Variants in SLC39A11 observed in about 807,000 individuals in gnomAD.
SLC39A11 encodes the protein solute carrier family 39 member 11.
SLC39A11 carries 33 observed loss-of-function variants against 36.1 expected under a neutral mutation model. The ratio of observed to expected loss-of-function variants is 0.91; its 90% confidence interval spans 0.69 to 1.22. The LOEUF is 1.22. SLC39A11 is among the 50% of genes most tolerant of loss of function. The pLI is 0.00. For synonymous variants in SLC39A11, 166 were observed against 170.3 expected (o/e 0.97, Z 0.20); for missense variants, 432 against 430.3 (o/e 1.00, Z -0.03).
chr17:73,041,684 C>T (rs1011327097), intron 3 of SLC39A11, among the ~76,000 whole-genome samples: 1 of 152,210 alleles, frequency 6.6e-6, no homozygotes, highest in African/African-American at 2.4e-5. Flanking sequence ...ATCCTATGTA[C>T]AAAAACTCAA....
At chr17:73,033,542 A>G (rs924087959) in intron 3 of SLC39A11, among the ~76,000 whole-genome samples, 1 of 152,160 alleles carries the variant, frequency 6.6e-6, no homozygotes. Flanking sequence ...CAGGAGTTCA[A>G]GGCCAGCCTG....
chr17:72,944,183 T>C (rs1020719175), intron 5 of SLC39A11, among the ~76,000 whole-genome samples: 2 of 152,180 alleles, frequency 1.3e-5, no homozygotes, highest in East Asian at 1.9e-4. Context: ...GCCAGTTGAC[T>C]TGACTCCCAA....
intron 6 of SLC39A11, among the ~76,000 whole-genome samples, chr17:72,748,480 C>T (rs1361823814): frequency 6.6e-6 from 1 of 152,158 alleles, no homozygotes; most frequent in Non-Finnish European, 1.5e-5. Context: ...GATTGTTTCA[C>T]GTTGGGATCC....
chr17:72,894,017 G>A (rs1394812461), intron 5 of SLC39A11, among the ~76,000 whole-genome samples: 1 of 152,134 alleles, frequency 6.6e-6, no homozygotes, highest in African/African-American at 2.4e-5. Context: ...TGATCAGTAT[G>A]TAAACTGATA....
chr17:72,917,390 T>C (rs754047778), intron 5 of SLC39A11, among the ~76,000 whole-genome samples: 5 of 152,090 alleles, frequency 3.3e-5, no homozygotes, highest in Non-Finnish European at 7.4e-5. Context: ...TGCTCCTACC[T>C]AAATGGAGTT....
chr17:72,918,659 G>C (rs2083465461), intron 5 of SLC39A11, among the ~76,000 whole-genome samples: 2 of 152,180 alleles, frequency 1.3e-5, no homozygotes, highest in Non-Finnish European at 2.9e-5. Flanking sequence ...CCTTTGGCTT[G>C]TGCTGCACAG....
intron 5 of SLC39A11, among the ~76,000 whole-genome samples, chr17:72,893,973 T>C (rs760503484): frequency 3.9e-5 from 6 of 152,196 alleles, no homozygotes; most frequent in Admixed American, 1.3e-4. Flanking sequence ...AGGTGCTGTA[T>C]AGTGTCTGAA....
Position 72,744,241 on chromosome 17 carries a change from T to A in SLC39A11, c.602-7522A>T, listed in dbSNP as rs187314699. 6.4e-3 allele frequency among the ~76,000 whole-genome samples: 978 copies of A among 152,310 alleles called. 6 individuals are homozygous for A. Among genetic ancestry groups the A allele is most frequent in the Middle Eastern group, 0.014 (4 of 294 alleles). On this transcript the variant is annotated intron_variant, in intron 6 of 9. Coordinates refer to ENST00000255559, the MANE Select transcript of SLC39A11 (RefSeq NM_139177.4). ...AATGAAATGTACCTGACAGGCCTGT[T>A]CAGGGTTCCCCACTATTGACATTTG...
Position 72,646,382 on chromosome 17 carries a change from C to A in SLC39A11, c.*1202G>T, listed in dbSNP as rs1567897626. Reference sequence around the variant, plus strand: ...TTATCTGTGTTTGAAGTGGACAGGTCATTGCTACCCCTGTTGGAGAAGCTA... The same window carrying A: ...TTATCTGTGTTTGAAGTGGACAGGTAATTGCTACCCCTGTTGGAGAAGCTA... On this transcript the variant is annotated 3_prime_UTR_variant, in exon 10 of 10. Transcript: ENST00000255559. 6.6e-6 allele frequency: 1 copy of A among 152,284 alleles called. No homozygotes were observed. Among genetic ancestry groups the A allele is most frequent in the Non-Finnish European group, 1.5e-5 (1 of 68,052 alleles). The allele number at this position is 152,284 out of a possible 1,614,324, so 9.4% of individuals were successfully genotyped here.
intron 4 of SLC39A11, among the ~76,000 whole-genome samples, chr17:73,014,023 C>T (rs1420035637): frequency 2.6e-5 from 4 of 152,152 alleles, no homozygotes; most frequent in South Asian, 2.1e-4. Flanking sequence ...CAGATGTGAA[C>T]GCACCACACA....
intron 5 of SLC39A11, among the ~76,000 whole-genome samples, chr17:72,928,639 G>A (rs2084199403): frequency 6.6e-6 from 1 of 152,166 alleles, no homozygotes; most frequent in Non-Finnish European, 1.5e-5. Context: ...GGCCCTGATA[G>A]TTGATTCTCT....
intron 3 of SLC39A11, among the ~76,000 whole-genome samples, chr17:73,083,441 A>G (rs2060616480): frequency 6.6e-6 from 1 of 152,216 alleles, no homozygotes; most frequent in African/African-American, 2.4e-5. Flanking sequence ...TCGCAGGGCT[A>G]TAAAAACTGA....
intron 7 of SLC39A11, among the ~76,000 whole-genome samples, chr17:72,691,173 A>G (rs1052260657): frequency 1.3e-5 from 2 of 152,096 alleles, no homozygotes; most frequent in African/African-American, 4.8e-5. Flanking sequence ...CTACTGAACA[A>G]CCCCGAGGGT....
intron 7 of SLC39A11, among the ~76,000 whole-genome samples, chr17:72,652,817 T>G (rs1054671929): frequency 6.6e-6 from 1 of 152,192 alleles, no homozygotes; most frequent in African/African-American, 2.4e-5. Flanking sequence ...CTTGTAAGAT[T>G]TTGGTGAGAA....
chr17:72,928,055 A>G (rs570487935), intron 5 of SLC39A11, among the ~76,000 whole-genome samples: 40 of 152,214 alleles, frequency 2.6e-4, no homozygotes, highest in Non-Finnish European at 4.9e-4. Flanking sequence ...AAAAAAAGAT[A>G]AAATTCCTAC....
At chr17:72,779,068 G>A (rs1442721903) in intron 6 of SLC39A11, among the ~76,000 whole-genome samples, 2 of 152,202 alleles carry the variant, frequency 1.3e-5, no homozygotes, top group African/African-American at 2.4e-5. Flanking sequence ...CAAGGAATAC[G>A]TTGGATGAGG....
At chr17:72,959,325 G>GTGTGTGTATATATATATATA (rs1436484912) in intron 4 of SLC39A11, among the ~76,000 whole-genome samples, 1 of 65,548 alleles carries the variant, frequency 1.5e-5, no homozygotes, top group African/African-American at 6.9e-5. Context: ...GTGTGTGTGT[G>GTGTGTGTATATATATATATA]TATATATATA....
rs939302159 is a variant in SLC39A11 at position 72,954,459 on chromosome 17, C to A, written c.307-6584G>T. 3.9e-5 allele frequency among the ~76,000 whole-genome samples: 6 copies of A among 152,312 alleles called. No homozygotes were observed. In the South Asian group the frequency reaches 1.2e-3, roughly 32 times the overall value. ...TACAGGGATCTCAAGAGGAGCCACC[C>A]AAGGGGCTTGGGACGTGCAGTTGCC... On this transcript the variant is annotated intron_variant, in intron 4 of 9. Coordinates refer to ENST00000255559, the MANE Select transcript of SLC39A11 (RefSeq NM_139177.4).
chr17:72,711,202 G>T (rs990238011), intron 7 of SLC39A11, among the ~76,000 whole-genome samples: 36 of 152,076 alleles, frequency 2.4e-4, no homozygotes, highest in African/African-American at 8.7e-4. Flanking sequence ...TCCTCAATAG[G>T]AAAAGAATCC....
Sources: gnomAD v4.1 joint callset for allele counts (sites outside exome capture counted in the v4.1 genomes callset) on GRCh38, gnomAD v4.1.1 for gene constraint, MANE v1.5 for transcripts, NCBI Gene and HGNC (gene_info 2026-07-23, HGNC 2026-07-21) for gene names.